Variants in CADM2 observed in about 807,000 individuals in gnomAD.
The protein encoded by CADM2 is cell adhesion molecule 2.
CADM2 carries 12 observed loss-of-function variants against 49.8 expected under a neutral mutation model. That is an observed-to-expected ratio of 0.24 (90% CI 0.15 to 0.39). The LOEUF is 0.39. Among genes scored for constraint, CADM2 ranks in the 10% least tolerant of loss-of-function variants. The pLI is 1.00. For missense variants in CADM2, 378 were observed against 492.3 expected (o/e 0.77, Z 2.20); for synonymous variants, 214 against 175.4 (o/e 1.22, Z -1.74).
chr3:85,383,547 T>G (rs2034034179), intron 1 of CADM2, among the ~76,000 whole-genome samples: 1 of 142,648 alleles, frequency 7.0e-6, no homozygotes. Context: ...TACATATATA[T>G]ATACATATAA....
At chr3:85,076,850 C>A (rs191127605) in intron 1 of CADM2, among the ~76,000 whole-genome samples, 1 of 151,990 alleles carries the variant, frequency 6.6e-6, no homozygotes, top group Admixed American at 6.6e-5. Flanking sequence ...CAGGCACCTG[C>A]AATCCCAACT....
chr3:85,251,175 A>G (rs2042765807), intron 1 of CADM2, among the ~76,000 whole-genome samples: 2 of 151,966 alleles, frequency 1.3e-5, no homozygotes, highest in Non-Finnish European at 3.0e-5. Context: ...TACAAAATAT[A>G]AGTGTCTGCT....
intron 1 of CADM2, among the ~76,000 whole-genome samples, chr3:85,227,247 G>C (rs1253280681): frequency 6.6e-6 from 1 of 152,050 alleles, no homozygotes; most frequent in Non-Finnish European, 1.5e-5. Context: ...CACTATTATT[G>C]TGTGGGAGTC....
chr3:85,653,953 G>T (rs141919206), intron 1 of CADM2, among the ~76,000 whole-genome samples: 1 of 152,230 alleles, frequency 6.6e-6, no homozygotes, highest in Non-Finnish European at 1.5e-5. Flanking sequence ...AATGATAAGG[G>T]AATGATGAAT....
chr3:85,594,379 T>C (rs766861315), intron 1 of CADM2, among the ~76,000 whole-genome samples: 1 of 151,880 alleles, frequency 6.6e-6, no homozygotes, highest in Non-Finnish European at 1.5e-5. Flanking sequence ...AACAAAATAT[T>C]GAAATAGATG....
intron 1 of CADM2, among the ~76,000 whole-genome samples, chr3:85,221,671 A>T (rs180951300): frequency 6.6e-6 from 1 of 152,306 alleles, no homozygotes. Context: ...TATAAGAAAA[A>T]GTAAAGCTAT....
intron 1 of CADM2, among the ~76,000 whole-genome samples, chr3:85,217,024 A>G (rs886748065): frequency 3.9e-5 from 6 of 151,982 alleles, no homozygotes; most frequent in Non-Finnish European, 7.4e-5. Flanking sequence ...AATAAAATAT[A>G]TTGTATACTA....
chr3:85,186,762 A>G (rs1459481133), intron 1 of CADM2, among the ~76,000 whole-genome samples: 1 of 152,084 alleles, frequency 6.6e-6, no homozygotes, highest in Non-Finnish European at 1.5e-5. Flanking sequence ...ATTGCTCCTG[A>G]TTGAGCAATC....
intron 1 of CADM2, among the ~76,000 whole-genome samples, chr3:85,485,585 A>G (rs369218204): frequency 5.9e-5 from 9 of 152,176 alleles, no homozygotes; most frequent in South Asian, 2.1e-4. Context: ...TAATCTATAT[A>G]TTGAGCCCCA....
intron 3 of CADM2, chr3:85,805,607 A>T (rs1577352299): frequency 6.6e-6 from 1 of 151,520 alleles, no homozygotes; most frequent in African/African-American, 2.5e-5. Context: ...AAGAGTTTGA[A>T]ATTGAAAGCA....
At chr3:85,717,101 T>A (rs573189435) in intron 1 of CADM2, among the ~76,000 whole-genome samples, 1 of 152,168 alleles carries the variant, frequency 6.6e-6, no homozygotes, top group Non-Finnish European at 1.5e-5. Flanking sequence ...TGGCCATTTT[T>A]ATGATATTTA....
At chr3:85,019,253 G>C (rs892611182) in intron 1 of CADM2, among the ~76,000 whole-genome samples, 4 of 152,084 alleles carry the variant, frequency 2.6e-5, no homozygotes, top group Admixed American at 2.6e-4. Flanking sequence ...GAGCCTGAAG[G>C]AAGAGGATTG....
At chr3:86,013,068 AC>A in intron 8 of CADM2, 1 of 1,287,682 alleles carries the variant, frequency 7.8e-7, no homozygotes, top group Non-Finnish European at 1.1e-6. Flanking sequence ...TCCTTATAGG[AC>A]AGTTCTTCGA....
At chr3:85,501,481 C>T (rs2040112849) in intron 1 of CADM2, among the ~76,000 whole-genome samples, 1 of 152,024 alleles carries the variant, frequency 6.6e-6, no homozygotes, top group Non-Finnish European at 1.5e-5. Context: ...ACAGCAGGTA[C>T]TCAATAAATA....
At chr3:85,206,583 A>C (rs1261999209) in intron 1 of CADM2, among the ~76,000 whole-genome samples, 1 of 152,114 alleles carries the variant, frequency 6.6e-6, no homozygotes, top group Non-Finnish European at 1.5e-5. Context: ...CTGGGATTAC[A>C]GGCGTGAGCC....
intron 1 of CADM2, among the ~76,000 whole-genome samples, chr3:84,975,503 ATAT>A (rs1205521823): frequency 1.3e-5 from 2 of 151,844 alleles, no homozygotes; most frequent in Non-Finnish European, 3.0e-5. Context: ...GAAAACCCGG[ATAT>A]AAAGTAATGA....
At chr3:85,228,111 C>G (rs1383314117) in intron 1 of CADM2, among the ~76,000 whole-genome samples, 1 of 151,994 alleles carries the variant, frequency 6.6e-6, no homozygotes, top group Non-Finnish European at 1.5e-5. Flanking sequence ...CTTGAGGTTG[C>G]TCTTTTTGAG....
At chr3:85,101,594 G>C (rs559800247) in intron 1 of CADM2, among the ~76,000 whole-genome samples, 26 of 152,146 alleles carry the variant, frequency 1.7e-4, no homozygotes, top group African/African-American at 6.3e-4. Context: ...TAATAATGTA[G>C]GTAATTCATT....
intron 8 of CADM2, among the ~76,000 whole-genome samples, chr3:86,053,637 T>C (rs1349989244): frequency 1.3e-5 from 2 of 152,080 alleles, no homozygotes; most frequent in South Asian, 2.1e-4. Context: ...ATCCTCTTGA[T>C]AGCAACTTTC....
Sources: gnomAD v4.1 joint callset for allele counts (sites outside exome capture counted in the v4.1 genomes callset) on GRCh38, gnomAD v4.1.1 for gene constraint, MANE v1.5 for transcripts, NCBI Gene and HGNC (gene_info 2026-07-23, HGNC 2026-07-21) for gene names.